The following PPFIA1 variants were observed in gnomAD, a reference collection of about 807,000 sequenced individuals.
PPFIA1 encodes the protein PPFI scaffold protein A1.
A neutral mutation model predicts 149.9 loss-of-function variants in PPFIA1; 25 were observed. The ratio of observed to expected loss-of-function variants is 0.17; its 90% CI spans 0.12 to 0.23. The LOEUF (loss-of-function observed/expected upper bound fraction) is 0.23. Ranked by LOEUF, PPFIA1 falls within the 10% of genes least tolerant of loss-of-function variation. The pLI, the probability that PPFIA1 is intolerant of heterozygous loss-of-function variation, is 1.00. For missense variants in PPFIA1, 1,362 were observed against 1,506.5 expected, an observed-to-expected ratio of 0.90 and a Z score of 1.59; for synonymous variants, 549 against 552.8, an observed-to-expected ratio of 0.99 and a Z score of 0.10.
intron 7 of PPFIA1, 61 bp from the exon 8 acceptor site, chr11:70,330,112 T>C (rs2054563210): frequency 4.2e-6 from 6 of 1,424,196 alleles, no homozygotes; most frequent in Non-Finnish European, 5.7e-6. Flanking sequence ...CTCTCTTAAG[T>C]ATCTTAATGT....
chr11:70,355,316 C>T (rs2056300052), intron 17 of PPFIA1, among the ~76,000 whole-genome samples: 2 of 152,290 alleles, frequency 1.3e-5, no homozygotes, highest in South Asian at 2.1e-4. Context: ...CCACGGTTCT[C>T]AGCTGAGTAG....
At chr11:70,316,109 T>C (rs79388553) in intron 2 of PPFIA1, among the ~76,000 whole-genome samples, 1 of 152,186 alleles carries the variant, frequency 6.6e-6, no homozygotes, top group Non-Finnish European at 1.5e-5. Flanking sequence ...TTGGCTCTCA[T>C]TGCCCAGGCT....
intron 2 of PPFIA1, among the ~76,000 whole-genome samples, chr11:70,310,478 T>C (rs531498): frequency 0.46 from 69,722 of 150,958 alleles, 18,417 homozygotes; most frequent in African/African-American, 0.72. Context: ...CTCTGCCTCC[T>C]GGGTTCAAGC....
At chr11:70,342,823 A>C (rs996663148) in intron 14 of PPFIA1, among the ~76,000 whole-genome samples, 1 of 151,546 alleles carries the variant, frequency 6.6e-6, no homozygotes, top group Non-Finnish European at 1.5e-5. Context: ...AATTTGATAC[A>C]TTCGTATAAT....
intron 15 of PPFIA1, chr11:70,346,027 C>A: frequency 2.3e-6 from 1 of 438,552 alleles, no homozygotes. Flanking sequence ...TCTTTCTTGT[C>A]TCGTCAGTAT....
At chr11:70,319,164 G>T (rs751866617) in intron 2 of PPFIA1, among the ~76,000 whole-genome samples, 1 of 152,126 alleles carries the variant, frequency 6.6e-6, no homozygotes, top group Non-Finnish European at 1.5e-5. Flanking sequence ...ACTTGCTTCC[G>T]CCAGAATCCT....
At chr11:70,272,124 A>G in intron 1 of PPFIA1, 49 bp from the exon 2 acceptor site, 1 of 1,571,052 alleles carries the variant, frequency 6.4e-7, no homozygotes, top group Non-Finnish European at 8.7e-7. Flanking sequence ...TATTTGTGGG[A>G]ACCTGTATTC....
chr11:70,313,269 A>C (rs1211398325), intron 2 of PPFIA1, among the ~76,000 whole-genome samples: 1 of 152,230 alleles, frequency 6.6e-6, no homozygotes, highest in African/African-American at 2.4e-5. Context: ...TTAAGTGCTT[A>C]GAACAATGTC....
At chr11:70,382,308 C>T in intron 27 of PPFIA1, 150 bp downstream of exon 27, 1 of 512,168 alleles carries the variant, frequency 2.0e-6, no homozygotes, top group East Asian at 2.9e-5. Flanking sequence ...CTCTCCGTAC[C>T]CATTAAGATC....
chr11:70,380,415 A>G (rs2057663980), intron 26 of PPFIA1, among the ~76,000 whole-genome samples: 1 of 152,026 alleles, frequency 6.6e-6, no homozygotes, highest in South Asian at 2.1e-4. Flanking sequence ...AAAATACAAA[A>G]AAAAAAAAAA....
chr11:70,349,749 C>CT (rs1011040535), intron 16 of PPFIA1, among the ~76,000 whole-genome samples: 2 of 152,202 alleles, frequency 1.3e-5, no homozygotes, highest in East Asian at 3.9e-4. Context: ...ATTTTAAACT[C>CT]TTTGACTGTT....
chr11:70,356,293 T>G lies in PPFIA1; in HGVS notation c.2582+39T>G, dbSNP rs1313530179. 4 of 1,497,758 alleles carry G rather than the reference T, an allele frequency of 2.7e-6. No homozygotes were observed. In the Middle Eastern group the frequency reaches 5.2e-4, roughly 193 times the overall value. 92.8% of individuals were successfully genotyped at this position (1,497,758 alleles called of 1,614,324 possible). On this transcript the variant is annotated intron_variant, in intron 19 of 27. Coordinates refer to ENST00000253925, the MANE Select transcript of PPFIA1 (RefSeq NM_003626.5). ...TATTTCTTCATCTCATTGAATGGTT[T>G]TCAGTTGTGCCTAAGCTCTAACTAG... is the stretch of plus-strand genomic sequence containing the variant.
In PPFIA1 at chr11:70,372,548, G is replaced by A. The variant is rs748118259; in HGVS notation, c.3113G>A (p.Arg1038Lys). Residue 1038 changes from arginine to lysine, a missense_variant, in exon 23 of 28, where the codon AGA (arginine) becomes AAA (lysine). Around this residue, in one of 7 missense-constraint regions of PPFIA1, gnomAD observed 349 missense variants for 373.3 expected, o/e 0.93. Coordinates refer to ENST00000253925, the MANE Select transcript of PPFIA1 (RefSeq NM_003626.5). The part of the protein sequence containing the change: ...NYDRKELERK[R>K]EESQSEIKDV... ...GACCGGAAAGAACTGGAAAGAAAAA[G>A]AGAAGAAAGTCAGAGTGAAATAAAA... 1 of 1,612,886 alleles carries A rather than the reference G, an allele frequency of 6.2e-7. No homozygotes were observed. The highest frequency in any genetic ancestry group is 8.5e-7 in the Non-Finnish European group (1 of 1,179,150).
intron 2 of PPFIA1, among the ~76,000 whole-genome samples, chr11:70,318,343 C>G (rs2053753229): frequency 6.6e-6 from 1 of 152,170 alleles, no homozygotes; most frequent in Non-Finnish European, 1.5e-5. Context: ...CCCACCACAC[C>G]TCTGGATCTG....
Position 70,372,545 on chromosome 11 carries a change from A to T in PPFIA1, c.3110A>T (p.Lys1037Ile). 1.9e-6 allele frequency: 3 copies of T among 1,612,978 alleles called. No homozygotes were observed. Among genetic ancestry groups the T allele is most frequent in the Non-Finnish European group, 2.5e-6 (3 of 1,179,152 alleles). ...TATGACCGGAAAGAACTGGAAAGAA[A>T]AAGAGAAGAAAGTCAGAGTGAAATA... ...LNYDRKELER[K>I]REESQSEIKD... The change falls in exon 23 of 28, where the codon AAA becomes ATA. Residue 1037 changes from lysine to isoleucine, a missense_variant. Lys to Ile is a moderately radical substitution (Grantham distance 102, BLOSUM62 -3). Coordinates refer to ENST00000253925, the MANE Select transcript of PPFIA1 (RefSeq NM_003626.5).
At chr11:70,298,993 C>T (rs1276906605) in intron 2 of PPFIA1, among the ~76,000 whole-genome samples, 1 of 152,154 alleles carries the variant, frequency 6.6e-6, no homozygotes, top group Non-Finnish European at 1.5e-5. Context: ...AATCCCAGCA[C>T]TTTGGGAGGC....
intron 24 of PPFIA1, 120 bp from the exon 25 acceptor site, chr11:70,376,412 C>T: frequency 1.0e-6 from 1 of 979,878 alleles, no homozygotes. Flanking sequence ...CAGGCGTGAG[C>T]CACCAGACCC....
chr11:70,272,136 GA>G (rs764529019), intron 1 of PPFIA1, 36 bp from the exon 2 acceptor site: 233 of 1,598,644 alleles, frequency 1.5e-4, no homozygotes, highest in Middle Eastern at 1.1e-3. Flanking sequence ...CCTGTATTCT[GA>G]GCTTAATTAC....
intron 14 of PPFIA1, among the ~76,000 whole-genome samples, chr11:70,340,489 A>C (rs1416888940): frequency 6.6e-6 from 1 of 152,234 alleles, no homozygotes; most frequent in African/African-American, 2.4e-5. Context: ...TCATTTAGTG[A>C]AAAGAATTCA....
Sources: allele counts gnomAD v4.1 joint callset (sites outside exome capture counted in the v4.1 genomes callset), GRCh38; gene constraint gnomAD v4.1.1; regional missense constraint gnomAD v4.1.1; transcripts MANE v1.5; gene names NCBI Gene and HGNC (gene_info 2026-07-23, HGNC 2026-07-21).